The following PPFIA2 variants were observed in gnomAD, a reference collection of about 807,000 sequenced individuals.
PPFIA2 encodes PPFI scaffold protein A2, also known as liprin-alpha-2.
Under a neutral mutation model 175.5 loss-of-function variants are expected in PPFIA2, and 46 were observed. The observed-to-expected ratio is 0.26, with a 90% CI of 0.21 to 0.34. PPFIA2 has a LOEUF of 0.34. PPFIA2 is among the 10% of genes least tolerant of loss of function. The pLI, the probability that PPFIA2 is intolerant of heterozygous loss-of-function variation, is 1.00. For missense variants in PPFIA2, 1,179 were observed against 1,506.1 expected (o/e 0.78, Z 3.60); for synonymous variants, 568 against 511.4 (o/e 1.11, Z -1.49).
At chr12:81,517,485 C>G (rs1319663361) in intron 4 of PPFIA2, among the ~76,000 whole-genome samples, 1 of 152,080 alleles carries the variant, frequency 6.6e-6, no homozygotes, top group Admixed American at 6.5e-5. Flanking sequence ...GACGAGGTGC[C>G]GAGACCTCGG....
At chr12:81,329,701 C>A (rs922807653) in intron 21 of PPFIA2, among the ~76,000 whole-genome samples, 1 of 152,140 alleles carries the variant, frequency 6.6e-6, no homozygotes, top group African/African-American at 2.4e-5. Flanking sequence ...CGAGTGCATG[C>A]GTGGCGTAGA....
intron 4 of PPFIA2, among the ~76,000 whole-genome samples, chr12:81,640,026 G>A (rs982703953): frequency 2.0e-5 from 3 of 152,096 alleles, no homozygotes; most frequent in Non-Finnish European, 2.9e-5. Context: ...TATGAGGAAG[G>A]AGTGTTAGTT....
intron 22 of PPFIA2, among the ~76,000 whole-genome samples, chr12:81,317,182 G>A (rs1425030439): frequency 2.0e-5 from 3 of 151,510 alleles, no homozygotes; most frequent in Non-Finnish European, 4.4e-5. Flanking sequence ...TGCACACAAG[G>A]AGGTAAGAGT....
intron 4 of PPFIA2, among the ~76,000 whole-genome samples, chr12:81,611,385 C>T (rs1419289503): frequency 6.6e-6 from 1 of 152,170 alleles, no homozygotes; most frequent in East Asian, 1.9e-4. Flanking sequence ...TCCTCCCCTG[C>T]CTGAGTGCTG....
chr12:81,676,928 A>G, intron 3 of PPFIA2, 84 bp from the exon 4 acceptor site: 1 of 1,006,342 alleles, frequency 9.9e-7, no homozygotes, highest in Non-Finnish European at 1.4e-6. Flanking sequence ...TAATTTATTT[A>G]GCTGCAAAGT....
chr12:81,275,355 G>A (rs1292898476), intron 28 of PPFIA2, among the ~76,000 whole-genome samples: 1 of 152,168 alleles, frequency 6.6e-6, no homozygotes, highest in East Asian at 1.9e-4. Context: ...CCGATGAGAC[G>A]TACGTAGAAA....
chr12:81,524,087 C>G (rs923384779), intron 4 of PPFIA2, among the ~76,000 whole-genome samples: 1 of 152,168 alleles, frequency 6.6e-6, no homozygotes, highest in Admixed American at 6.5e-5. Context: ...CTACCTCCAT[C>G]TTGTTTTCAA....
At chr12:81,573,571 C>T (rs545059541) in intron 4 of PPFIA2, among the ~76,000 whole-genome samples, 10 of 151,898 alleles carry the variant, frequency 6.6e-5, no homozygotes, top group East Asian at 1.9e-4. Context: ...AGGTTATTTC[C>T]GGTAAATGTG....
chr12:81,549,432 A>G (rs1261866233), intron 4 of PPFIA2, among the ~76,000 whole-genome samples: 1 of 152,094 alleles, frequency 6.6e-6, no homozygotes, highest in Non-Finnish European at 1.5e-5. Context: ...TTCTCTAAAA[A>G]TATGACCTAG....
At chr12:81,703,923 C>T (rs1370138010) in intron 3 of PPFIA2, among the ~76,000 whole-genome samples, 1 of 152,170 alleles carries the variant, frequency 6.6e-6, no homozygotes, top group East Asian at 1.9e-4. Flanking sequence ...TCCTTGTTCA[C>T]TTCAAGTATC....
At chr12:81,279,902 C>T (rs1285167815) in intron 27 of PPFIA2, among the ~76,000 whole-genome samples, 2 of 152,048 alleles carry the variant, frequency 1.3e-5, no homozygotes, top group Non-Finnish European at 2.9e-5. Flanking sequence ...CTAGAAGTCA[C>T]TCACCTAGGA....
chr12:81,316,051 C>G (rs889870183), intron 22 of PPFIA2, among the ~76,000 whole-genome samples: 42 of 151,574 alleles, frequency 2.8e-4, no homozygotes, highest in Non-Finnish European at 5.8e-4. Context: ...TATGGAGAAT[C>G]TGAACCAAAG....
intron 28 of PPFIA2, among the ~76,000 whole-genome samples, chr12:81,273,871 C>T (rs1030694154): frequency 1.3e-5 from 2 of 151,292 alleles, no homozygotes; most frequent in South Asian, 4.2e-4. Context: ...AGAGTTTTGC[C>T]TCTTTCTCCC....
intron 29 of PPFIA2, among the ~76,000 whole-genome samples, chr12:81,267,434 T>A (rs2037617743): frequency 6.6e-6 from 1 of 152,226 alleles, no homozygotes; most frequent in African/African-American, 2.4e-5. Context: ...ATAATAAAGA[T>A]TCCTATGCCC....
chr12:81,300,130 C>T (rs1200978251), intron 22 of PPFIA2, among the ~76,000 whole-genome samples: 1 of 152,082 alleles, frequency 6.6e-6, no homozygotes, highest in East Asian at 1.9e-4. Flanking sequence ...ATTTCACTGA[C>T]CCTCTTACTG....
At chr12:81,691,227 A>T (rs1054533793) in intron 3 of PPFIA2, among the ~76,000 whole-genome samples, 1 of 152,026 alleles carries the variant, frequency 6.6e-6, no homozygotes, top group Admixed American at 6.6e-5. Context: ...GGCAGGAGTG[A>T]CCTCTCCATC....
chr12:81,639,550 A>G (rs1567674791), intron 4 of PPFIA2, among the ~76,000 whole-genome samples: 1 of 147,132 alleles, frequency 6.8e-6, no homozygotes, highest in East Asian at 2.2e-4. Flanking sequence ...TAAAAAAAAT[A>G]TATATATATA....
intron 4 of PPFIA2, among the ~76,000 whole-genome samples, chr12:81,493,793 T>TATATATA (rs2059708914): frequency 7.7e-6 from 1 of 129,936 alleles, no homozygotes; most frequent in East Asian, 2.2e-4. Context: ...TATATACACA[T>TATATATA]TGGAAAAAAT....
chr12:81,480,756 G>A (rs563088604), intron 4 of PPFIA2, among the ~76,000 whole-genome samples: 58 of 152,234 alleles, frequency 3.8e-4, no homozygotes, highest in African/African-American at 1.4e-3. Flanking sequence ...AGACAGCAAA[G>A]ATTGCTGCCT....
Sources: gnomAD v4.1 joint callset for allele counts (sites outside exome capture counted in the v4.1 genomes callset) on GRCh38, gnomAD v4.1.1 for gene constraint, MANE v1.5 for transcripts, NCBI Gene and HGNC (gene_info 2026-07-23, HGNC 2026-07-21) for gene names.